Variants in NR3C2 observed in about 807,000 individuals in gnomAD.
NR3C2 encodes the protein nuclear receptor subfamily 3 group C member 2.
In NR3C2, 15 loss-of-function variants were observed where a neutral mutation model predicts 86.4. The ratio of observed to expected loss-of-function variants is 0.17; its 90% CI spans 0.12 to 0.27. The LOEUF is 0.27. Ranked by LOEUF, NR3C2 falls within the 10% of genes least tolerant of loss-of-function variation. The pLI is 1.00. For missense variants in NR3C2, 960 were observed against 1,195.6 expected, an observed-to-expected ratio of 0.80 and a Z score of 2.91; for synonymous variants, 458 against 450.5, an observed-to-expected ratio of 1.02 and a Z score of -0.21.
chr4:148,235,649 A>C (rs1738713670), intron 3 of NR3C2, among the ~76,000 whole-genome samples: 1 of 152,152 alleles, frequency 6.6e-6, no homozygotes, highest in South Asian at 2.1e-4. Flanking sequence ...TGTACAGTCT[A>C]TTGATTTTTA....
chr4:148,370,857 G>A (rs776139149), intron 2 of NR3C2, among the ~76,000 whole-genome samples: 8 of 151,212 alleles, frequency 5.3e-5, no homozygotes, highest in Admixed American at 2.6e-4. Context: ...TCTCCTCCCC[G>A]CCCCCCAATA....
rs1131691568 is a variant in NR3C2 at position 148,260,107 on chromosome 4, G to A, written c.1768C>T (p.Arg590Ter). Residue 590 changes from arginine to a stop codon, truncating the protein, a stop_gained, in exon 3 of 9, where the codon CGA becomes TGA. Transcript: ENST00000358102. LOFTEE classifies it high-confidence loss of function. ...CTTGAAGATCCAGTAGAAACACTTC[G>A]TAAAGTAGAGCTGGGGAAAGAAATT... ...IPENVSSSTL[R>*]SVSTGSSRPS... 1.2e-6 allele frequency: 2 copies of A among 1,613,974 alleles called. No individual in the cohort carries two copies. Among genetic ancestry groups the A allele is most frequent in the Non-Finnish European group, 8.5e-7 (1 of 1,179,968 alleles).
chr4:148,442,938 AC>A, upstream of NR3C2: 1 of 985,136 alleles, frequency 1.0e-6, no homozygotes, highest in South Asian at 4.7e-5. Flanking sequence ...TCGTCCCCTC[AC>A]GCTCTCCACC....
At chr4:148,444,447 G>GC (rs1750495656), upstream of NR3C2, 1 of 985,960 alleles carries the variant, frequency 1.0e-6, no homozygotes, top group East Asian at 1.1e-4. Flanking sequence ...CGCGCAACCT[G>GC]CCTTGCCCGG....
chr4:148,274,980 G>C (rs1020814144), intron 2 of NR3C2, among the ~76,000 whole-genome samples: 1 of 152,128 alleles, frequency 6.6e-6, no homozygotes, highest in East Asian at 1.9e-4. Flanking sequence ...TTACAGGCAT[G>C]AGCCACCGCA....
intron 3 of NR3C2, among the ~76,000 whole-genome samples, chr4:148,240,208 TCA>T (rs1738953162): frequency 6.8e-6 from 1 of 148,020 alleles, no homozygotes; most frequent in Admixed American, 6.9e-5. Flanking sequence ...ATAAAAATTA[TCA>T]GATTATCAGA....
chr4:148,271,211 AT>A (rs1740668105), intron 2 of NR3C2, among the ~76,000 whole-genome samples: 1 of 152,028 alleles, frequency 6.6e-6, no homozygotes, highest in East Asian at 1.9e-4. Context: ...TGTTGTTATT[AT>A]TTTCATATGC....
At chr4:148,409,874 T>C (rs534613788) in intron 2 of NR3C2, among the ~76,000 whole-genome samples, 2 of 152,242 alleles carry the variant, frequency 1.3e-5, no homozygotes, top group East Asian at 3.9e-4. Context: ...GAAAATATAC[T>C]TTATTTCTCT....
chr4:148,211,927 T>A (rs1048615825), intron 3 of NR3C2, among the ~76,000 whole-genome samples: 20 of 152,334 alleles, frequency 1.3e-4, no homozygotes, highest in African/African-American at 4.8e-4. Flanking sequence ...TTGTCAATTA[T>A]CATCAGCTCA....
At chr4:148,421,499 T>C (rs1304632437) in intron 2 of NR3C2, among the ~76,000 whole-genome samples, 3 of 152,180 alleles carry the variant, frequency 2.0e-5, no homozygotes, top group Admixed American at 2.0e-4. Context: ...ATCAAAAGTA[T>C]CACAACATTC....
At chr4:148,210,338 A>G (rs1473692723) in intron 3 of NR3C2, among the ~76,000 whole-genome samples, 2 of 151,852 alleles carry the variant, frequency 1.3e-5, no homozygotes, top group African/African-American at 4.8e-5. Context: ...ACACAGGCGC[A>G]TGCCACCACG....
intron 4 of NR3C2, among the ~76,000 whole-genome samples, chr4:148,180,333 G>T (rs1460089959): frequency 6.6e-6 from 1 of 151,648 alleles, no homozygotes; most frequent in Non-Finnish European, 1.5e-5. Flanking sequence ...TTTGTTTTCT[G>T]CTCACTTCTA....
At chr4:148,327,538 A>G (rs1442716205) in intron 2 of NR3C2, among the ~76,000 whole-genome samples, 1 of 152,186 alleles carries the variant, frequency 6.6e-6, no homozygotes, top group Non-Finnish European at 1.5e-5. Context: ...CCCCATAGTC[A>G]GTAATCAGTT....
chr4:148,316,222 C>T (rs1301352570), intron 2 of NR3C2, among the ~76,000 whole-genome samples: 2 of 152,054 alleles, frequency 1.3e-5, no homozygotes, highest in Admixed American at 1.3e-4. Context: ...CACACATACA[C>T]ACACAGGATT....
intron 4 of NR3C2, among the ~76,000 whole-genome samples, chr4:148,158,598 C>T (rs544508528): frequency 2.0e-5 from 3 of 152,248 alleles, no homozygotes; most frequent in Non-Finnish European, 2.9e-5. Flanking sequence ...CCACATCTGA[C>T]GATAACCATG....
At chr4:148,392,231 T>C (rs1166694181) in intron 2 of NR3C2, among the ~76,000 whole-genome samples, 1 of 152,198 alleles carries the variant, frequency 6.6e-6, no homozygotes, top group Non-Finnish European at 1.5e-5. Context: ...AGATAGACCA[T>C]GAGTAGAAAT....
Position 148,435,315 on chromosome 4 carries a change from C to T in NR3C2, c.1546G>A (p.Val516Met), listed in dbSNP as rs1749989861. The T allele has an allele frequency of 6.2e-7, 1 of 1,614,166 alleles. No individual in the cohort carries two copies. Residue 516 changes from valine to methionine, a missense_variant, in exon 2 of 9, where the codon GTG (valine) becomes ATG (methionine). Val to Met is a conservative substitution (Grantham distance 21, BLOSUM62 1). Transcript: ENST00000358102. ...TGGAAGGACTGTCCACCTGAATTCA[C>T]CCCAACAATAGCAGAGGAAGGGATG... ...ASIPSSAIVG[V>M]NSGGQSFHYR...
At chr4:148,444,264 C>T (rs892428717), upstream of NR3C2, 12 of 985,212 alleles carry the variant, frequency 1.2e-5, no homozygotes, top group African/African-American at 1.7e-5. Context: ...TGAGGAGGGC[C>T]GGTCTTGCCC....
At chr4:148,191,709 A>G (rs1736201884) in intron 4 of NR3C2, among the ~76,000 whole-genome samples, 1 of 151,822 alleles carries the variant, frequency 6.6e-6, no homozygotes, top group Non-Finnish European at 1.5e-5. Context: ...TCTTTGTTGG[A>G]TTGGGTTAAT....
Sources: allele counts gnomAD v4.1 joint callset (sites outside exome capture counted in the v4.1 genomes callset), GRCh38; gene constraint gnomAD v4.1.1; transcripts MANE v1.5; gene names NCBI Gene and HGNC (gene_info 2026-07-23, HGNC 2026-07-21).